Variants in ZDHHC14 observed in about 807,000 individuals in gnomAD.
ZDHHC14 encodes palmitoyltransferase ZDHHC14.
Under a neutral mutation model 47.7 loss-of-function variants are expected in ZDHHC14, and 16 were observed. The ratio of observed to expected loss-of-function variants is 0.34; its 90% confidence interval spans 0.23 to 0.51. The LOEUF is 0.51. ZDHHC14 is among the 20% of genes least tolerant of loss of function. The pLI is 0.97. For missense variants in ZDHHC14, 515 were observed against 662.5 expected (o/e 0.78, Z 2.44); for synonymous variants, 293 against 278.9 (o/e 1.05, Z -0.50).
intron 1 of ZDHHC14, among the ~76,000 whole-genome samples, chr6:157,440,530 A>G (rs946402430): frequency 6.6e-6 from 1 of 152,274 alleles, no homozygotes; most frequent in African/African-American, 2.4e-5. Context: ...TAGAATTAAT[A>G]TATGACCTAG....
At chr6:157,616,019 G>A (rs1236335632) in intron 3 of ZDHHC14, among the ~76,000 whole-genome samples, 4 of 152,216 alleles carry the variant, frequency 2.6e-5, no homozygotes, top group Non-Finnish European at 2.9e-5. Context: ...CACATTGGGG[G>A]TGCAGCCAGT....
At chr6:157,667,410 G>A (rs1778599529) in intron 8 of ZDHHC14, among the ~76,000 whole-genome samples, 1 of 152,048 alleles carries the variant, frequency 6.6e-6, no homozygotes, top group African/African-American at 2.4e-5. Context: ...AGGCTGGGTA[G>A]CGGAGGGAAA....
chr6:157,396,933 T>G (rs192355957), intron 1 of ZDHHC14, among the ~76,000 whole-genome samples: 1 of 152,368 alleles, frequency 6.6e-6, no homozygotes, highest in East Asian at 1.9e-4. Context: ...ATTTTTTAAT[T>G]TAGAAGTTGA....
At position 157,421,384 on chromosome 6, in the gene ZDHHC14, C is replaced by T. The variant is rs189055982; in HGVS notation, c.245+39118C>T. 4.6e-3 allele frequency among the ~76,000 whole-genome samples: 666 copies of T among 143,980 alleles called. 6 individuals carry two copies. The highest frequency in any genetic ancestry group is 0.016 in the African/African-American group (636 of 38,962). 94.5% of individuals were successfully genotyped at this position (143,980 alleles called of 152,430 possible). A position where few individuals can be genotyped will look rare whatever the true frequency, so the allele number is the denominator to read the frequency against. ...GCGGTCGCCTGTAGTCCCAGCTATT[C>T]GGAGGGGCTGAGGCAGGACAATGGC... On this transcript the variant is annotated intron_variant, in intron 1 of 8. Coordinates refer to ENST00000359775, the MANE Select transcript of ZDHHC14 (RefSeq NM_024630.3).
intron 2 of ZDHHC14, among the ~76,000 whole-genome samples, chr6:157,591,661 A>G (rs750938368): frequency 5.9e-5 from 9 of 152,004 alleles, no homozygotes; most frequent in Non-Finnish European, 1.3e-4. Context: ...CCAATGAAAG[A>G]CTCTCTGACA....
chr6:157,626,149 C>T (rs1252203098), intron 3 of ZDHHC14, among the ~76,000 whole-genome samples: 3 of 152,126 alleles, frequency 2.0e-5, no homozygotes, highest in Admixed American at 6.5e-5. Context: ...CTGGTGTTAA[C>T]GATGCCTCCC....
intron 2 of ZDHHC14, among the ~76,000 whole-genome samples, chr6:157,576,931 G>A (rs916114032): frequency 5.3e-5 from 8 of 152,118 alleles, no homozygotes; most frequent in African/African-American, 1.9e-4. Context: ...GGTAAACCGC[G>A]TGTCATGGAG....
At chr6:157,488,372 G>A (rs1469643821) in intron 1 of ZDHHC14, among the ~76,000 whole-genome samples, 1 of 152,132 alleles carries the variant, frequency 6.6e-6, no homozygotes, top group African/African-American at 2.4e-5. Context: ...ATTCTCTTTG[G>A]GAGTCCTTGC....
Position 157,494,124 on chromosome 6 carries a change from T to A in ZDHHC14, c.246-48461T>A, listed in dbSNP as rs532445623. 2.0e-5 allele frequency among the ~76,000 whole-genome samples: 3 copies of A among 152,354 alleles called. No homozygotes were observed. In the South Asian group the frequency reaches 6.2e-4, roughly 32 times the overall value. On this transcript the variant is annotated intron_variant, in intron 1 of 8. Transcript: ENST00000359775. ...ATTTTGCTTCCTCAGCTTAAGCCTT[T>A]ATTGCTTCAACTCTAAAATGAGCGG...
At chr6:157,540,884 A>ATGTGTGTGTGTGTGTGTGTGTGTG (rs761747961) in intron 1 of ZDHHC14, among the ~76,000 whole-genome samples, 1 of 117,706 alleles carries the variant, frequency 8.5e-6, no homozygotes, top group African/African-American at 4.0e-5. Context: ...ATATATATGT[A>ATGTGTGTGTGTGTGTGTGTGTGTG]TGTATGTGTG....
Position 157,475,770 on chromosome 6 carries a change from T to C in ZDHHC14, c.246-66815T>C, listed in dbSNP as rs1006769579. On this transcript the variant is annotated intron_variant, in intron 1 of 8. Transcript: ENST00000359775. ...GAATTTGTTTATTAGTTTTAACAGATTTTTGGTGGAGGAATTGCAGAAAAA... is the reference window on the plus strand; with the variant it reads ...GAATTTGTTTATTAGTTTTAACAGACTTTTGGTGGAGGAATTGCAGAAAAA... Among the ~76,000 whole-genome samples the C allele has an allele frequency of 9.8e-5, 15 of 152,286 alleles. No homozygotes were observed. The South Asian group carries it at 1.7e-3, about 17-fold the overall frequency.
At chr6:157,447,262 G>A (rs979748951) in intron 1 of ZDHHC14, among the ~76,000 whole-genome samples, 1 of 152,258 alleles carries the variant, frequency 6.6e-6, no homozygotes, top group Non-Finnish European at 1.5e-5. Flanking sequence ...TGGGCTTGGA[G>A]GGCCTTGCCC....
chr6:157,428,493 CA>C (rs1049721609), intron 1 of ZDHHC14, among the ~76,000 whole-genome samples: 36 of 152,082 alleles, frequency 2.4e-4, no homozygotes, highest in Non-Finnish European at 4.7e-4. Context: ...CAAACAAGGT[CA>C]TCTTACATAA....
At chr6:157,633,314 C>G (rs1283402819) in intron 5 of ZDHHC14, among the ~76,000 whole-genome samples, 1 of 152,190 alleles carries the variant, frequency 6.6e-6, no homozygotes, top group Non-Finnish European at 1.5e-5. Flanking sequence ...TTGGGGGTTA[C>G]AGTTTGCCAT....
chr6:157,425,718 C>T (rs1205952435), intron 1 of ZDHHC14, among the ~76,000 whole-genome samples: 1 of 152,130 alleles, frequency 6.6e-6, no homozygotes, highest in Non-Finnish European at 1.5e-5. Context: ...AAATTCTTGC[C>T]TGCATCCCCA....
chr6:157,555,810 T>A (rs1427162182), intron 2 of ZDHHC14, among the ~76,000 whole-genome samples: 1 of 152,192 alleles, frequency 6.6e-6, no homozygotes, highest in Non-Finnish European at 1.5e-5. Context: ...CCACTAGAAT[T>A]GTGCCAAAAA....
intron 1 of ZDHHC14, among the ~76,000 whole-genome samples, chr6:157,420,682 A>G (rs902358887): frequency 1.3e-5 from 2 of 152,346 alleles, no homozygotes; most frequent in East Asian, 1.9e-4. Flanking sequence ...ACTCTATAGA[A>G]GTAGGTTGCT....
chr6:157,540,257 G>A (rs1023618103), intron 1 of ZDHHC14, among the ~76,000 whole-genome samples: 2 of 152,172 alleles, frequency 1.3e-5, no homozygotes, highest in African/African-American at 4.8e-5. Flanking sequence ...GGCCGCAGAG[G>A]CATCAGCCTG....
At chr6:157,437,000 T>A (rs750233604) in intron 1 of ZDHHC14, among the ~76,000 whole-genome samples, 14 of 152,126 alleles carry the variant, frequency 9.2e-5, no homozygotes, top group Admixed American at 3.9e-4. Context: ...AGGGGCATCC[T>A]GAGACTTAGC....
Sources: allele counts gnomAD v4.1 joint callset (sites outside exome capture counted in the v4.1 genomes callset), GRCh38; gene constraint gnomAD v4.1.1; transcripts MANE v1.5; gene names NCBI Gene and HGNC (gene_info 2026-07-23, HGNC 2026-07-21).